Variants in BAZ1B observed in about 807,000 individuals in gnomAD.
BAZ1B encodes tyrosine-protein kinase BAZ1B.
A neutral mutation model predicts 153.8 loss-of-function variants in BAZ1B; 22 were observed. That is an observed-to-expected ratio of 0.14 (90% CI 0.10 to 0.20). The LOEUF (loss-of-function observed/expected upper bound fraction) is 0.20. BAZ1B is among the 10% of genes least tolerant of loss of function. The pLI, the probability that BAZ1B is intolerant of heterozygous loss-of-function variation, is 1.00. For synonymous variants in BAZ1B, 676 were observed against 633.4 expected (o/e 1.07, Z -1.01); for missense variants, 1,325 against 1,799.3 (o/e 0.74, Z 4.77).
chr7:73,459,721 A>G lies in BAZ1B; in HGVS notation c.3250-3T>C, dbSNP rs1554570071. 6.3e-7 allele frequency: 1 copy of G among 1,575,994 alleles called. No individual in the cohort carries two copies. Among genetic ancestry groups the G allele is most frequent in the Non-Finnish European group, 8.6e-7 (1 of 1,164,136 alleles). ...TTCAATTTCTCTAATGAAATGACCT[A>G]TAGGAAAGGATTTTAAAACCAGACT... is the stretch of plus-strand genomic sequence containing the variant. On this transcript the variant is annotated splice_polypyrimidine_tract_variant and splice_region_variant and intron_variant, in intron 12 of 19. Transcript: ENST00000339594.
chr7:73,456,108 G>GA (rs1357570288), intron 13 of BAZ1B, among the ~76,000 whole-genome samples: 2 of 152,036 alleles, frequency 1.3e-5, no homozygotes, highest in African/African-American at 4.8e-5. Context: ...TATCTAATAT[G>GA]AAAAAAATGA....
At chr7:73,464,705 A>G (rs1334082200) in intron 11 of BAZ1B, among the ~76,000 whole-genome samples, 2 of 152,110 alleles carry the variant, frequency 1.3e-5, no homozygotes, top group Non-Finnish European at 2.9e-5. Context: ...CACTATTTGA[A>G]TATACTAAAT....
intron 7 of BAZ1B, among the ~76,000 whole-genome samples, chr7:73,473,295 T>C (rs1448306856): frequency 6.6e-6 from 1 of 152,132 alleles, no homozygotes; most frequent in East Asian, 1.9e-4. Context: ...GCTCATGCCT[T>C]TAATCCCAGC....
chr7:73,513,030 C>CTG lies in BAZ1B; in HGVS notation c.108-2180_108-2179dup, dbSNP rs372492258. 3.2e-4 allele frequency among the ~76,000 whole-genome samples: 48 copies of CTG among 152,272 alleles called. No individual in the cohort carries two copies. The East Asian group carries it at 9.1e-3, about 29-fold the overall frequency. On this transcript the variant is annotated intron_variant, in intron 1 of 19. Transcript: ENST00000339594. ...AGTGCAGTGGTGGGATCATGGCTCACTGTAGCCTTGACCTCCTGGGGTCAA... is the reference window on the plus strand; with the variant it reads ...AGTGCAGTGGTGGGATCATGGCTCACTGTGTAGCCTTGACCTCCTGGGGTCAA...
At chr7:73,445,499 G>A (rs1165245363) in intron 16 of BAZ1B, among the ~76,000 whole-genome samples, 2 of 152,148 alleles carry the variant, frequency 1.3e-5, no homozygotes, top group Admixed American at 1.3e-4. Flanking sequence ...TCCTTGGAAA[G>A]AGAGCTACAA....
In BAZ1B at chr7:73,520,567, T is replaced by C. The variant is rs934618266; in HGVS notation, c.107+1260A>G. On this transcript the variant is annotated intron_variant, in intron 1 of 19. Transcript: ENST00000339594. Reference sequence around the variant, plus strand: ...CCCGAGGACCCGACCACCTCCAAGATCCACTTCAGCTCCAAGATGCTACAG... The same window carrying C: ...CCCGAGGACCCGACCACCTCCAAGACCCACTTCAGCTCCAAGATGCTACAG... Among the ~76,000 whole-genome samples the C allele has an allele frequency of 2.6e-5, 4 of 152,002 alleles. No homozygotes were observed. In the East Asian group the frequency reaches 7.7e-4, roughly 29 times the overall value.
chr7:73,469,996 C>T (rs797041121), intron 8 of BAZ1B, among the ~76,000 whole-genome samples: 3 of 152,268 alleles, frequency 2.0e-5, no homozygotes, highest in African/African-American at 7.2e-5. Context: ...TGTGAACCAC[C>T]ACGCCCAGCC....
At chr7:73,516,998 G>A (rs573990014) in intron 1 of BAZ1B, among the ~76,000 whole-genome samples, 38 of 150,388 alleles carry the variant, frequency 2.5e-4, no homozygotes, top group Admixed American at 2.2e-3. Flanking sequence ...CCTGGCCAAC[G>A]TGGTAAAACC....
chr7:73,510,663 C>A, intron 2 of BAZ1B, 73 bp downstream of exon 2: 3 of 1,393,312 alleles, frequency 2.2e-6, no homozygotes, highest in Non-Finnish European at 3.1e-6. Context: ...ACACATACTG[C>A]TTTAGGGTTA....
At chr7:73,462,830 G>A (rs1788439662) in intron 12 of BAZ1B, 92 bp downstream of exon 12, 1 of 1,337,806 alleles carries the variant, frequency 7.5e-7, no homozygotes, top group East Asian at 2.3e-5. Context: ...ATTTCCAGGA[G>A]GGTCATGTTG....
At chr7:73,455,063 T>C (rs1483969176) in intron 13 of BAZ1B, among the ~76,000 whole-genome samples, 1 of 151,976 alleles carries the variant, frequency 6.6e-6, no homozygotes, top group Admixed American at 6.6e-5. Flanking sequence ...TTCTTTTTTT[T>C]TTTAGAAGAG....
At chr7:73,517,701 T>C (rs1289288619) in intron 1 of BAZ1B, among the ~76,000 whole-genome samples, 1 of 152,208 alleles carries the variant, frequency 6.6e-6, no homozygotes, top group Non-Finnish European at 1.5e-5. Flanking sequence ...CTGCTGCACA[T>C]ATAATTGCAG....
chr7:73,473,077 G>T (rs62465145), intron 7 of BAZ1B, among the ~76,000 whole-genome samples: 252 of 152,228 alleles, frequency 1.7e-3, no homozygotes, highest in Non-Finnish European at 3.0e-3. Flanking sequence ...GAGTAGCTGG[G>T]ATTACAGGCA....
chr7:73,468,693 T>C (rs1285412061), intron 9 of BAZ1B, among the ~76,000 whole-genome samples: 4 of 152,156 alleles, frequency 2.6e-5, no homozygotes, highest in Non-Finnish European at 5.9e-5. Context: ...GTCACTCATT[T>C]TTCGTTAGGT....
Position 73,476,873 on chromosome 7 carries a change from A to G in BAZ1B, c.2588T>C (p.Met863Thr). 1 of 1,587,106 alleles carries G rather than the reference A, an allele frequency of 6.3e-7. No individual in the cohort carries two copies. The highest frequency in any genetic ancestry group is 8.5e-7 in the Non-Finnish European group (1 of 1,171,168). Residue 863 changes from methionine (M) to threonine (T), a missense_variant, in exon 7 of 20, where the codon ATG becomes ACG. Met to Thr is a moderately conservative substitution (Grantham distance 81). Transcript: ENST00000339594. Reference sequence around the variant, plus strand: ...CTCTCAGCATGAAATTTTACCTTTCATTTCTCTTTCCTGGATTTCCCGTTC... The same window carrying G: ...CTCTCAGCATGAAATTTTACCTTTCGTTTCTCTTTCCTGGATTTCCCGTTC... Reference protein sequence around the residue: ...KKEREIQEREMKVKLERQAEE... With the variant: ...KKEREIQERETKVKLERQAEE...
intron 3 of BAZ1B, among the ~76,000 whole-genome samples, chr7:73,505,958 T>C (rs1790321686): frequency 6.6e-6 from 1 of 152,206 alleles, no homozygotes; most frequent in Non-Finnish European, 1.5e-5. Flanking sequence ...CTAGTATGTA[T>C]CAACCTCAAC....
chr7:73,480,912 A>G (rs1340999536), intron 6 of BAZ1B, among the ~76,000 whole-genome samples: 1 of 152,130 alleles, frequency 6.6e-6, no homozygotes, highest in East Asian at 1.9e-4. Flanking sequence ...AAGCTGTACT[A>G]TAAAGCCATT....
At chr7:73,474,643 C>T (rs1177086798) in intron 7 of BAZ1B, among the ~76,000 whole-genome samples, 1 of 152,048 alleles carries the variant, frequency 6.6e-6, no homozygotes, top group Non-Finnish European at 1.5e-5. Flanking sequence ...GGTGTGGTGG[C>T]ACACGCCTGT....
At chr7:73,441,837 T>TC (rs1787628951) in intron 19 of BAZ1B, 144 bp from the exon 20 acceptor site, 2 of 297,334 alleles carry the variant, frequency 6.7e-6, no homozygotes, top group South Asian at 8.9e-5. Flanking sequence ...CAGCAATCCC[T>TC]CCCCTGGAGA....
Sources: gnomAD v4.1 joint callset for allele counts (sites outside exome capture counted in the v4.1 genomes callset) on GRCh38, gnomAD v4.1.1 for gene constraint, MANE v1.5 for transcripts, NCBI Gene and HGNC (gene_info 2026-07-23, HGNC 2026-07-21) for gene names.